The following CTNNA3 variants were observed in gnomAD, a reference collection of about 807,000 sequenced individuals.
CTNNA3 encodes catenin alpha-3.
In CTNNA3, 76 loss-of-function variants were observed where a neutral mutation model predicts 95.7. That is an observed-to-expected ratio of 0.79 (90% confidence interval 0.66 to 0.96). The LOEUF (loss-of-function observed/expected upper bound fraction) is 0.96. Among genes scored for constraint, CTNNA3 ranks in the 40% least tolerant of loss-of-function variants. The pLI is 0.00. For missense variants in CTNNA3, 1,191 were observed against 1,089.8 expected, an observed-to-expected ratio of 1.09 and a Z score of -1.31; for synonymous variants, 431 against 374.4, an observed-to-expected ratio of 1.15 and a Z score of -1.74.
intron 5 of CTNNA3, among the ~76,000 whole-genome samples, chr10:67,322,184 G>A (rs184430444): frequency 5.9e-5 from 9 of 151,884 alleles, no homozygotes; most frequent in East Asian, 1.9e-4. Context: ...AGTCTCATAC[G>A]TGTGTTCAAT....
intron 11 of CTNNA3, among the ~76,000 whole-genome samples, chr10:66,421,914 A>ATATATATATATATATATG (rs1267702553): frequency 1.4e-5 from 2 of 146,242 alleles, no homozygotes; most frequent in African/African-American, 5.1e-5. Context: ...ATATATATAT[A>ATATATATATATATATATG]TACACACACA....
At chr10:66,504,588 G>A (rs1840388054) in intron 11 of CTNNA3, among the ~76,000 whole-genome samples, 1 of 152,158 alleles carries the variant, frequency 6.6e-6, no homozygotes, top group African/African-American at 2.4e-5. Context: ...TTGGTAGGTA[G>A]GAACGTGCTG....
chr10:66,742,423 TGTG>T (rs1564652402), intron 9 of CTNNA3, among the ~76,000 whole-genome samples: 2 of 152,308 alleles, frequency 1.3e-5, no homozygotes, highest in South Asian at 4.1e-4. Context: ...GCCCAGGTCC[TGTG>T]GTCCTGTGAT....
intron 9 of CTNNA3, among the ~76,000 whole-genome samples, chr10:66,658,267 T>A (rs1452494722): frequency 6.6e-6 from 1 of 151,018 alleles, no homozygotes; most frequent in Non-Finnish European, 1.5e-5. Context: ...TCTCTCTGCA[T>A]TCATTTCTTC....
At chr10:67,613,082 G>C (rs559433649) in intron 2 of CTNNA3, among the ~76,000 whole-genome samples, 199 of 152,258 alleles carry the variant, frequency 1.3e-3, no homozygotes, top group African/African-American at 4.6e-3. Context: ...TGATCTCACT[G>C]CTCACTAAAT....
chr10:67,104,771 G>A (rs909176768), intron 7 of CTNNA3, among the ~76,000 whole-genome samples: 1 of 151,958 alleles, frequency 6.6e-6, no homozygotes, highest in African/African-American at 2.4e-5. Flanking sequence ...GCATTCAAGA[G>A]CCAGTAAAGC....
At chr10:65,984,264 A>T (rs1016955569) in intron 16 of CTNNA3, among the ~76,000 whole-genome samples, 1 of 151,314 alleles carries the variant, frequency 6.6e-6, no homozygotes, top group African/African-American at 2.4e-5. Flanking sequence ...AATTTATTCC[A>T]TAATCAATTT....
chr10:66,480,967 T>G (rs1046424008), intron 11 of CTNNA3, among the ~76,000 whole-genome samples: 1 of 152,186 alleles, frequency 6.6e-6, no homozygotes, highest in African/African-American at 2.4e-5. Context: ...CCTTTGAATT[T>G]CATACTAATT....
intron 12 of CTNNA3, among the ~76,000 whole-genome samples, chr10:66,336,612 T>C (rs1271556398): frequency 2.6e-5 from 4 of 152,150 alleles, no homozygotes; most frequent in Non-Finnish European, 5.9e-5. Flanking sequence ...TTTGTAACAT[T>C]GTCTATTCTA....
At chr10:66,246,695 G>T (rs762487164) in intron 13 of CTNNA3, among the ~76,000 whole-genome samples, 1 of 151,762 alleles carries the variant, frequency 6.6e-6, no homozygotes, top group Non-Finnish European at 1.5e-5. Context: ...TTGAAAAAAT[G>T]CAATTGACAT....
At chr10:67,476,764 A>G (rs865941125) in intron 5 of CTNNA3, among the ~76,000 whole-genome samples, 1 of 150,058 alleles carries the variant, frequency 6.7e-6, no homozygotes, top group South Asian at 2.1e-4. Flanking sequence ...GTGGGGCCCT[A>G]TGTACTCCAT....
At chr10:67,220,247 G>C (rs987789835) in intron 5 of CTNNA3, among the ~76,000 whole-genome samples, 2 of 152,168 alleles carry the variant, frequency 1.3e-5, no homozygotes, top group Non-Finnish European at 2.9e-5. Flanking sequence ...CATAGATGTT[G>C]ATAATTGCAT....
chr10:67,450,076 C>A (rs1251228555), intron 5 of CTNNA3, among the ~76,000 whole-genome samples: 1 of 152,012 alleles, frequency 6.6e-6, no homozygotes, highest in African/African-American at 2.4e-5. Context: ...TAGAGAAATG[C>A]AAATCAAAAC....
intron 12 of CTNNA3, among the ~76,000 whole-genome samples, chr10:66,347,328 A>G (rs2092530272): frequency 6.6e-6 from 1 of 152,086 alleles, no homozygotes; most frequent in Admixed American, 6.6e-5. Flanking sequence ...AGAGCCAAAC[A>G]GGCTGGATGC....
intron 5 of CTNNA3, among the ~76,000 whole-genome samples, chr10:67,235,665 G>C (rs1865418458): frequency 7.0e-6 from 1 of 142,278 alleles, no homozygotes; most frequent in African/African-American, 2.7e-5. Context: ...TTGACAAATG[G>C]GATCTAATTA....
rs1845978070 is a variant in CTNNA3 at position 66,653,479 on chromosome 10, C to T, written c.1282-31695G>A. ...GAAGAAGACACAAGTAGAGTTATCCCATGTTCAATGATTAAAAGAGTTTAT... is the reference window on the plus strand; with the variant it reads ...GAAGAAGACACAAGTAGAGTTATCCTATGTTCAATGATTAAAAGAGTTTAT... On this transcript the variant is annotated intron_variant, in intron 9 of 17. Transcript: ENST00000433211. Among the ~76,000 whole-genome samples the T allele has an allele frequency of 2.0e-5, 3 of 151,968 alleles. No individual in the cohort carries two copies. In the South Asian group the frequency reaches 6.2e-4, roughly 32 times the overall value.
intron 15 of CTNNA3, among the ~76,000 whole-genome samples, chr10:66,042,596 T>C (rs2079717967): frequency 6.6e-6 from 1 of 151,588 alleles, no homozygotes; most frequent in Admixed American, 6.6e-5. Flanking sequence ...ATAGAAGTAG[T>C]ATTAAAAAAA....
intron 5 of CTNNA3, among the ~76,000 whole-genome samples, chr10:67,415,154 C>A (rs1439343661): frequency 6.6e-6 from 1 of 152,016 alleles, no homozygotes; most frequent in Admixed American, 6.6e-5. Context: ...AAGTCCTTGC[C>A]AGATCAACCA....
At chr10:66,386,708 T>A (rs1182149190) in intron 11 of CTNNA3, among the ~76,000 whole-genome samples, 6 of 152,132 alleles carry the variant, frequency 3.9e-5, no homozygotes, top group South Asian at 2.1e-4. Context: ...ACTACAAGGC[T>A]ACAGTAACCA....
Sources: gnomAD v4.1 joint callset for allele counts (sites outside exome capture counted in the v4.1 genomes callset) on GRCh38, gnomAD v4.1.1 for gene constraint, MANE v1.5 for transcripts, NCBI Gene and HGNC (gene_info 2026-07-23, HGNC 2026-07-21) for gene names.